TP63: variants seen among roughly 807,000 people sequenced by gnomAD.
The protein encoded by TP63 is tumor protein p63, also known as tumor protein 63.
Under a neutral mutation model 82.8 loss-of-function variants are expected in TP63, and 17 were observed. That is an observed-to-expected ratio of 0.21 (90% CI 0.14 to 0.31). The LOEUF (loss-of-function observed/expected upper bound fraction) is 0.31, where lower values mean the gene tolerates loss of function less well. Among genes scored for constraint, TP63 ranks in the 10% least tolerant of loss-of-function variants. The pLI is 1.00. For missense variants in TP63, 648 were observed against 895.3 expected (o/e 0.72, Z 3.52); for synonymous variants, 330 against 321.7 (o/e 1.03, Z -0.28).
chr3:189,824,926 C>T (rs1729182113), intron 4 of TP63, among the ~76,000 whole-genome samples: 1 of 151,934 alleles, frequency 6.6e-6, no homozygotes, highest in Admixed American at 6.6e-5. Flanking sequence ...CAGACAGCAG[C>T]ATTTTAGAAA....
chr3:189,894,399 G>T lies in TP63; in HGVS notation c.1940G>T (p.Arg647Leu). Residue 647 changes from arginine (R) to leucine (L), a missense_variant, in exon 14 of 14, where the codon CGC becomes CTC. Physicochemically the swap from Arg to Leu is moderately radical, Grantham distance 102. Transcript: ENST00000264731. ...ATTGATGCTGTGCGATTCACCCTCC[G>T]CCAGACCATCTCTTTCCCACCCCGA... ...RVIDAVRFTL[R>L]QTISFPPRDE... The T allele has an allele frequency of 1.2e-6, 2 of 1,613,754 alleles. No individual in the cohort carries two copies. The highest frequency in any genetic ancestry group is 1.7e-6 in the Non-Finnish European group (2 of 1,179,932).
At chr3:189,831,563 G>A (rs1186397047) in intron 4 of TP63, among the ~76,000 whole-genome samples, 1 of 151,418 alleles carries the variant, frequency 6.6e-6, no homozygotes, top group Non-Finnish European at 1.5e-5. Flanking sequence ...ACAAACCCCA[G>A]TCTTTAGGCT....
At chr3:189,734,646 A>G (rs983944033) in intron 1 of TP63, among the ~76,000 whole-genome samples, 2 of 152,120 alleles carry the variant, frequency 1.3e-5, no homozygotes, top group Admixed American at 1.3e-4. Context: ...CTCAATTTTC[A>G]GCAGATGGCC....
At chr3:189,634,952 T>G (rs2108607557) in intron 1 of TP63, among the ~76,000 whole-genome samples, 1 of 152,184 alleles carries the variant, frequency 6.6e-6, no homozygotes, top group Admixed American at 6.6e-5. Context: ...TTTGCAAAAT[T>G]TATTTTTTAA....
In TP63 at chr3:189,874,048, G is replaced by A. The variant is rs6796401; in HGVS notation, c.1349+1053G>A. Among the ~76,000 whole-genome samples, 744 of 152,260 alleles carry A rather than the reference G, an allele frequency of 4.9e-3. 5 individuals are homozygous for A. Among genetic ancestry groups the A allele is most frequent in the African/African-American group, 0.016 (664 of 41,546 alleles). ...TATTAGCTGTTGTAGGGAGTCAGCTGTGGAAAGTGTAATAAAGAGGGCTTA... is the reference window on the plus strand; with the variant it reads ...TATTAGCTGTTGTAGGGAGTCAGCTATGGAAAGTGTAATAAAGAGGGCTTA... On this transcript the variant is annotated intron_variant, in intron 10 of 13. Transcript: ENST00000264731.
chr3:189,610,522 C>T, the TP63 span, among the ~76,000 whole-genome samples: 1 of 152,194 alleles, frequency 6.6e-6, no homozygotes, highest in African/African-American at 2.4e-5. Context: ...ACAAGTTCCT[C>T]ATTTCCATCT....
At chr3:189,721,757 T>C (rs1243871240) in intron 1 of TP63, among the ~76,000 whole-genome samples, 1 of 152,200 alleles carries the variant, frequency 6.6e-6, no homozygotes, top group Non-Finnish European at 1.5e-5. Flanking sequence ...TTGAGACTCC[T>C]TAAGTCTAGA....
At chr3:189,798,314 T>A (rs1725933186) in intron 3 of TP63, among the ~76,000 whole-genome samples, 1 of 152,132 alleles carries the variant, frequency 6.6e-6, no homozygotes, top group African/African-American at 2.4e-5. Context: ...TTCCTTCACA[T>A]CTTGCAGGTC....
chr3:189,651,545 CA>C lies in TP63; in HGVS notation c.62+19984del, dbSNP rs71173298. Among the ~76,000 whole-genome samples the C allele has an allele frequency of 1.1e-3, 127 of 118,464 alleles. 9 individuals carry two copies. Among genetic ancestry groups the C allele is most frequent in the African/African-American group, 2.6e-3 (71 of 27,150 alleles). 77.7% of individuals were successfully genotyped at this position (118,464 alleles called of 152,430 possible). A position where few individuals can be genotyped will look rare whatever the true frequency, so the allele number is the denominator to read the frequency against. On this transcript the variant is annotated intron_variant, in intron 1 of 13. Coordinates refer to ENST00000264731, the MANE Select transcript of TP63 (RefSeq NM_003722.5). ...TGGGCAACAGAGTGAGATTCCATAT[CA>C]AAAAAAAAAAAAAAAGTAAAGCAAA...
At chr3:189,804,805 G>A (rs535874874) in intron 3 of TP63, among the ~76,000 whole-genome samples, 29 of 152,248 alleles carry the variant, frequency 1.9e-4, no homozygotes, top group Middle Eastern at 3.4e-3. Context: ...TCAGTTTTAC[G>A]CTTTCCAGGA....
At chr3:189,862,979 G>T (rs1369157453) in intron 4 of TP63, among the ~76,000 whole-genome samples, 2 of 152,170 alleles carry the variant, frequency 1.3e-5, no homozygotes, top group African/African-American at 4.8e-5. Flanking sequence ...AAAAGGAAAG[G>T]TCATTTAAAC....
intron 4 of TP63, among the ~76,000 whole-genome samples, chr3:189,840,359 CTTTTTTTTTTTTTTT>C: frequency 1.1e-4 from 5 of 44,448 alleles, no homozygotes; most frequent in Non-Finnish European, 1.6e-4. Flanking sequence ...TGCTTTTCGT[CTTTTTTTTTTTTTTT>C]TTTTTTTTTT....
At chr3:189,634,583 A>G (rs1200569804) in intron 1 of TP63, among the ~76,000 whole-genome samples, 1 of 152,088 alleles carries the variant, frequency 6.6e-6, no homozygotes, top group Non-Finnish European at 1.5e-5. Context: ...TCTGAAAACC[A>G]AAAAGGCAGT....
chr3:189,677,925 C>T (rs1361670846), intron 1 of TP63, among the ~76,000 whole-genome samples: 3 of 151,678 alleles, frequency 2.0e-5, no homozygotes, highest in Admixed American at 6.6e-5. Flanking sequence ...GTACTTTGCC[C>T]GTTTTTTCAA....
At chr3:189,805,328 C>A (rs1726766304) in intron 3 of TP63, among the ~76,000 whole-genome samples, 1 of 152,156 alleles carries the variant, frequency 6.6e-6, no homozygotes, top group African/African-American at 2.4e-5. Context: ...ATGATTTCTT[C>A]CTTTAAAATT....
chr3:189,739,785 CTTT>C (rs200515220), intron 3 of TP63, among the ~76,000 whole-genome samples: 2 of 126,484 alleles, frequency 1.6e-5, no homozygotes, highest in Admixed American at 7.7e-5. Flanking sequence ...GGTGGGTTTT[CTTT>C]TTTTTTTTTT....
chr3:189,758,901 A>G (rs1199229152), intron 3 of TP63, among the ~76,000 whole-genome samples: 1 of 152,158 alleles, frequency 6.6e-6, no homozygotes, highest in East Asian at 1.9e-4. Flanking sequence ...CAGACTTCTT[A>G]TGAAAGCCAA....
rs888645688 is a variant in TP63, at chr3:189,652,439, A to G, written c.62+20862A>G. Among the ~76,000 whole-genome samples the G allele has an allele frequency of 6.1e-5, 9 of 147,174 alleles. 1 individual carries two copies. Among genetic ancestry groups the G allele is most frequent in the Admixed American group, 3.3e-4 (5 of 14,962 alleles). On this transcript the variant is annotated intron_variant, in intron 1 of 13. Coordinates refer to ENST00000264731, the MANE Select transcript of TP63 (RefSeq NM_003722.5). ...CATTTGAAATGGGTGTATTTACCCA[A>G]TGCCTGTACCCTTATTGTATCTAGG...
chr3:189,638,379 A>G (rs1711526293), intron 1 of TP63, among the ~76,000 whole-genome samples: 1 of 152,162 alleles, frequency 6.6e-6, no homozygotes, highest in Admixed American at 6.6e-5. Context: ...GTACTTGTAT[A>G]GAAATAATAC....
Sources: gnomAD v4.1 joint callset for allele counts (sites outside exome capture counted in the v4.1 genomes callset) on GRCh38, gnomAD v4.1.1 for gene constraint, MANE v1.5 for transcripts, NCBI Gene and HGNC (gene_info 2026-07-23, HGNC 2026-07-21) for gene names.